The following DOK6 variants were observed in gnomAD, a reference collection of about 807,000 sequenced individuals.
DOK6 encodes docking protein 6, also known as downstream of tyrosine kinase 6.
A neutral mutation model predicts 44.0 loss-of-function variants in DOK6; 22 were observed. The ratio of observed to expected loss-of-function variants is 0.50; its 90% confidence interval spans 0.36 to 0.71. The LOEUF (loss-of-function observed/expected upper bound fraction) is 0.71. Ranked by LOEUF, DOK6 falls within the 30% of genes least tolerant of loss-of-function variation. The pLI, the probability that DOK6 is intolerant of heterozygous loss-of-function variation, is 0.00. For synonymous variants in DOK6, 166 were observed against 145.5 expected, an observed-to-expected ratio of 1.14 and a Z score of -1.01; for missense variants, 340 against 416.4, an observed-to-expected ratio of 0.82 and a Z score of 1.60.
At chr18:69,676,214 A>G (rs1337934796) in intron 3 of DOK6, among the ~76,000 whole-genome samples, 1 of 152,246 alleles carries the variant, frequency 6.6e-6, no homozygotes, top group African/African-American at 2.4e-5. Flanking sequence ...CATGATAGGA[A>G]CATTGGAACT....
At chr18:69,500,727 C>A (rs1169953433) in intron 1 of DOK6, among the ~76,000 whole-genome samples, 4 of 152,112 alleles carry the variant, frequency 2.6e-5, no homozygotes, top group African/African-American at 9.6e-5. Context: ...ATGTGTTCAC[C>A]TTTATTAATA....
At chr18:69,493,484 TG>T (rs1980796789) in intron 1 of DOK6, among the ~76,000 whole-genome samples, 1 of 151,834 alleles carries the variant, frequency 6.6e-6, no homozygotes, top group South Asian at 2.1e-4. Flanking sequence ...TCACAAACTC[TG>T]GGAGTGGAAC....
At chr18:69,569,480 A>G (rs996518849) in intron 2 of DOK6, among the ~76,000 whole-genome samples, 3 of 152,208 alleles carry the variant, frequency 2.0e-5, no homozygotes, top group Admixed American at 2.0e-4. Flanking sequence ...GACAATTACA[A>G]TGTCCAATAT....
intron 2 of DOK6, among the ~76,000 whole-genome samples, chr18:69,577,025 C>T (rs1983255097): frequency 6.6e-6 from 1 of 152,076 alleles, no homozygotes; most frequent in South Asian, 2.1e-4. Flanking sequence ...GTATTGGGAC[C>T]AATCTCACTT....
chr18:69,437,730 G>A (rs952838117), intron 1 of DOK6, among the ~76,000 whole-genome samples: 34 of 152,098 alleles, frequency 2.2e-4, no homozygotes, highest in Admixed American at 6.6e-5. Context: ...GCTTGATGGG[G>A]ATAATCCAAA....
chr18:69,819,085 A>G (rs1344713159), intron 7 of DOK6, among the ~76,000 whole-genome samples: 1 of 152,222 alleles, frequency 6.6e-6, no homozygotes, highest in Non-Finnish European at 1.5e-5. Flanking sequence ...AGAACCTAGG[A>G]ATATCCTCAC....
At chr18:69,497,400 C>T (rs1980922275) in intron 1 of DOK6, among the ~76,000 whole-genome samples, 1 of 152,292 alleles carries the variant, frequency 6.6e-6, no homozygotes, top group South Asian at 2.1e-4. Flanking sequence ...CCCCCTCTCA[C>T]ACCACCCCAA....
chr18:69,830,188 G>C (rs1468944099), intron 7 of DOK6, among the ~76,000 whole-genome samples: 2 of 151,952 alleles, frequency 1.3e-5, no homozygotes, highest in African/African-American at 4.8e-5. Flanking sequence ...CCTCAATGAA[G>C]CTGGAAGAAA....
intron 1 of DOK6, among the ~76,000 whole-genome samples, chr18:69,548,141 G>A (rs1315017414): frequency 6.6e-6 from 1 of 150,566 alleles, no homozygotes; most frequent in African/African-American, 2.4e-5. Context: ...TTTTAGTAGA[G>A]ACGGGGTTTC....
chr18:69,501,733 TATGTC>T (rs150552628), intron 1 of DOK6, among the ~76,000 whole-genome samples: 3,228 of 152,240 alleles, frequency 0.021, 107 homozygotes, highest in African/African-American at 0.072. Context: ...ATGAAACACT[TATGTC>T]AGTTCATGTA....
intron 1 of DOK6, among the ~76,000 whole-genome samples, chr18:69,438,286 C>T (rs1012817725): frequency 6.6e-6 from 1 of 152,170 alleles, no homozygotes; most frequent in Non-Finnish European, 1.5e-5. Flanking sequence ...TCATGCCAAC[C>T]ATGTTCACAG....
chr18:69,584,534 C>T (rs954742306), intron 2 of DOK6, among the ~76,000 whole-genome samples: 12 of 152,134 alleles, frequency 7.9e-5, no homozygotes, highest in African/African-American at 2.4e-4. Flanking sequence ...TCAAGCAGTC[C>T]GCTCACTTCG....
rs1270036533 is a variant in DOK6, at chr18:69,845,292, G to C, written c.*3909G>C. ...CTGAGATTTAAGGCTTTAACAATTCGTGTTTTAAAATATTATATTGAAGAC... is the reference window on the plus strand; with the variant it reads ...CTGAGATTTAAGGCTTTAACAATTCCTGTTTTAAAATATTATATTGAAGAC... On this transcript the variant is annotated 3_prime_UTR_variant, in exon 8 of 8. Coordinates refer to ENST00000382713, the MANE Select transcript of DOK6 (RefSeq NM_152721.6). 6.6e-6 allele frequency: 1 copy of C among 152,140 alleles called. No individual in the cohort carries two copies. Among genetic ancestry groups the C allele is most frequent in the South Asian group, 2.1e-4 (1 of 4,828 alleles). The allele number at this position is 152,140 out of a possible 1,614,324, so 9.4% of individuals were successfully genotyped here. A position where few individuals can be genotyped will look rare whatever the true frequency, so the allele number is the denominator to read the frequency against.
intron 4 of DOK6, 61 bp from the exon 5 acceptor site, chr18:69,698,343 A>G: frequency 1.4e-6 from 2 of 1,440,992 alleles, no homozygotes; most frequent in Non-Finnish European, 1.9e-6. Context: ...TTAATATCGT[A>G]TGGCCATAGA....
intron 3 of DOK6, among the ~76,000 whole-genome samples, chr18:69,622,421 A>G (rs1399349984): frequency 1.3e-5 from 2 of 152,206 alleles, no homozygotes; most frequent in Admixed American, 6.5e-5. Flanking sequence ...GCTGCCTCTT[A>G]TGTCACAATG....
rs191821967 is a variant in DOK6, at chr18:69,491,922, G to A, written c.67-72565G>A. ...GCTAGACATTACCGCTGAGTAAATG[G>A]CAATCAATGTGCAGAGAACCAAAAG... is the stretch of plus-strand genomic sequence containing the variant. On this transcript the variant is annotated intron_variant, in intron 1 of 7. Coordinates refer to ENST00000382713, the MANE Select transcript of DOK6 (RefSeq NM_152721.6). Among the ~76,000 whole-genome samples the A allele has an allele frequency of 6.5e-4, 99 of 152,218 alleles. No individual in the cohort carries two copies. The East Asian group carries it at 0.014, about 22-fold the overall frequency.
intron 7 of DOK6, among the ~76,000 whole-genome samples, chr18:69,784,103 C>A (rs905780306): frequency 1.3e-5 from 2 of 152,098 alleles, no homozygotes; most frequent in Non-Finnish European, 2.9e-5. Flanking sequence ...GTGGGAGGAT[C>A]ACTTAAGCCC....
rs185245355 is a variant in DOK6 at position 69,708,611 on chromosome 18, G to A, written c.599+10018G>A. ...ACCAGCCTGACCAACATGGTGAAAT[G>A]CTGTCTTTACTAAAAATACAAAAAA... On this transcript the variant is annotated intron_variant, in intron 5 of 7. Coordinates refer to ENST00000382713, the MANE Select transcript of DOK6 (RefSeq NM_152721.6). 3.7e-3 allele frequency among the ~76,000 whole-genome samples: 560 copies of A among 152,026 alleles called. 5 individuals are homozygous for A. Among genetic ancestry groups the A allele is most frequent in the African/African-American group, 0.013 (541 of 41,452 alleles).
intron 3 of DOK6, among the ~76,000 whole-genome samples, chr18:69,601,351 A>G (rs149420906): frequency 2.2e-4 from 34 of 152,350 alleles, no homozygotes; most frequent in African/African-American, 6.5e-4. Flanking sequence ...CTGTGCTCCC[A>G]TCATCTCAAG....
Sources: gnomAD v4.1 joint callset for allele counts (sites outside exome capture counted in the v4.1 genomes callset) on GRCh38, gnomAD v4.1.1 for gene constraint, MANE v1.5 for transcripts, NCBI Gene and HGNC (gene_info 2026-07-23, HGNC 2026-07-21) for gene names.